CFAP90: variants seen among roughly 807,000 people sequenced by gnomAD.
The protein encoded by CFAP90 is cilia- and flagella-associated protein 90.
chr5:7,832,865 C>T, the CFAP90 span, among the ~76,000 whole-genome samples: 33 of 152,312 alleles, frequency 2.2e-4, no homozygotes, highest in Middle Eastern at 3.4e-3. Context: ...AACTACCTGC[C>T]ACAGTTTTCT....
chr5:7,834,026 T>C, the CFAP90 span, among the ~76,000 whole-genome samples: 1 of 152,248 alleles, frequency 6.6e-6, no homozygotes, highest in Admixed American at 6.5e-5. Context: ...GTATTTATTA[T>C]ATTTTTTATC....
chr5:7,837,342 G>T, the CFAP90 span, among the ~76,000 whole-genome samples: 1 of 152,152 alleles, frequency 6.6e-6, no homozygotes, highest in Non-Finnish European at 1.5e-5. Flanking sequence ...TATTCCAGCT[G>T]CCTTAAATCT....
At chr5:7,851,002 T>C in the CFAP90 span, 1 of 1,274,474 alleles carries the variant, frequency 7.8e-7, no homozygotes, top group South Asian at 3.0e-5. Flanking sequence ...CGCGGTGGTC[T>C]CCTCCTCGTC....
chr5:7,836,231 T>C, the CFAP90 span, among the ~76,000 whole-genome samples: 1 of 152,196 alleles, frequency 6.6e-6, no homozygotes, highest in Admixed American at 6.5e-5. Flanking sequence ...TATATATGTG[T>C]GTACTTTTCC....
chr5:7,832,176 G>C, the CFAP90 span: 1 of 733,868 alleles, frequency 1.4e-6, no homozygotes, highest in Non-Finnish European at 2.2e-6. Flanking sequence ...GCTGAAGCCA[G>C]GGGCTTCACA....
chr5:7,838,866 G>A, the CFAP90 span, among the ~76,000 whole-genome samples: 3 of 152,212 alleles, frequency 2.0e-5, no homozygotes, highest in Admixed American at 6.5e-5. Flanking sequence ...GCAAAGTGGT[G>A]TTGTCTGGTG....
chr5:7,831,964 A>T, the CFAP90 span: 1 of 1,614,098 alleles, frequency 6.2e-7, no homozygotes, highest in Non-Finnish European at 8.5e-7. Flanking sequence ...TTAGGGGCTC[A>T]ATGGGCTGAT....
chr5:7,835,199 C>T, the CFAP90 span, among the ~76,000 whole-genome samples: 95 of 152,144 alleles, frequency 6.2e-4, no homozygotes, highest in Non-Finnish European at 1.0e-3. Context: ...AGGAAGTGAG[C>T]ACACGCTGTT....
the CFAP90 span, among the ~76,000 whole-genome samples, chr5:7,838,928 G>A: frequency 6.6e-6 from 1 of 152,174 alleles, no homozygotes; most frequent in Non-Finnish European, 1.5e-5. Flanking sequence ...CCCTCACCCA[G>A]TGTATTAGTC....
the CFAP90 span, among the ~76,000 whole-genome samples, chr5:7,832,779 C>T: frequency 6.6e-6 from 1 of 152,174 alleles, no homozygotes; most frequent in Non-Finnish European, 1.5e-5. Flanking sequence ...TGAGCCACCA[C>T]ACCCAGCCCA....
the CFAP90 span, among the ~76,000 whole-genome samples, chr5:7,834,536 C>T: frequency 2.6e-5 from 4 of 151,934 alleles, no homozygotes; most frequent in African/African-American, 4.8e-5. Flanking sequence ...ATGAAGTCTA[C>T]GGTAGTGTAC....
the CFAP90 span, chr5:7,832,177 G>C: frequency 2.8e-6 from 2 of 708,682 alleles, no homozygotes; most frequent in African/African-American, 3.5e-5. Flanking sequence ...CTGAAGCCAG[G>C]GGCTTCACAG....
the CFAP90 span, among the ~76,000 whole-genome samples, chr5:7,846,621 G>T: frequency 1.9e-4 from 29 of 152,282 alleles, 1 homozygote; most frequent in South Asian, 5.4e-3. Context: ...CATGTTGGGG[G>T]TTGTGATTTC....
At chr5:7,839,162 G>A in the CFAP90 span, among the ~76,000 whole-genome samples, 76,360 of 151,864 alleles carry the variant, frequency 0.5, 19,540 homozygotes, top group Admixed American at 0.59. Flanking sequence ...CACTAACGCA[G>A]TAACAGCACA....
the CFAP90 span, among the ~76,000 whole-genome samples, chr5:7,840,954 C>T: frequency 6.6e-6 from 1 of 152,062 alleles, no homozygotes; most frequent in Non-Finnish European, 1.5e-5. Flanking sequence ...CTAGAAGGAA[C>T]CAATCCGGCT....
chr5:7,846,936 G>T, the CFAP90 span, among the ~76,000 whole-genome samples: 1 of 151,976 alleles, frequency 6.6e-6, no homozygotes, highest in Non-Finnish European at 1.5e-5. Context: ...GTATAGATGG[G>T]GTTTCACCAC....
the CFAP90 span, among the ~76,000 whole-genome samples, chr5:7,836,812 A>G: frequency 0.016 from 2,430 of 152,260 alleles, 43 homozygotes; most frequent in Non-Finnish European, 0.021. Flanking sequence ...CTTCAGGCAG[A>G]TAAGCGAACT....
At chr5:7,844,146 T>A in the CFAP90 span, among the ~76,000 whole-genome samples, 3 of 152,198 alleles carry the variant, frequency 2.0e-5, no homozygotes, top group Admixed American at 1.3e-4. Flanking sequence ...TTTAAGGAGC[T>A]ACCTGCCCTG....
chr5:7,840,225 G>C, the CFAP90 span, among the ~76,000 whole-genome samples: 1 of 152,160 alleles, frequency 6.6e-6, no homozygotes, highest in African/African-American at 2.4e-5. Context: ...GCCTTAGCCT[G>C]GTCATGGTGC....
Sources: allele counts gnomAD v4.1 joint callset (sites outside exome capture counted in the v4.1 genomes callset), GRCh38; gene constraint gnomAD v4.1.1; transcripts MANE v1.5; gene names NCBI Gene and HGNC (gene_info 2026-07-23, HGNC 2026-07-21).